Variants in PCSK6 observed in about 807,000 individuals in gnomAD.
PCSK6 encodes the protein paired basic amino acid cleaving enzyme 4.
A neutral mutation model predicts 123.3 loss-of-function variants in PCSK6; 85 were observed. The ratio of observed to expected loss-of-function variants is 0.69; its 90% CI spans 0.58 to 0.83. PCSK6 has a LOEUF of 0.83. PCSK6 is among the 40% of genes least tolerant of loss of function. The pLI is 0.00. For missense variants in PCSK6, 1,191 were observed against 1,282.3 expected (o/e 0.93, Z 1.09); for synonymous variants, 508 against 516.0 (o/e 0.98, Z 0.21).
rs1379608875 is a variant in PCSK6, at chr15:101,343,586, TTTTTC to T, written c.1859-11560_1859-11556del. Among the ~76,000 whole-genome samples the T allele has an allele frequency of 1.1e-4, 16 of 152,356 alleles. No homozygotes were observed. The South Asian group carries it at 3.3e-3, about 32-fold the overall frequency. ...AGTATTTTCTAATATAAATTATGTT[TTTTTC>T]TTTTAACACATAAATTATTTAGAAG... On this transcript the variant is annotated intron_variant, in intron 13 of 21. Coordinates refer to ENST00000611716, the MANE Select transcript of PCSK6 (RefSeq NM_002570.5).
intron 1 of PCSK6, among the ~76,000 whole-genome samples, chr15:101,485,433 T>C (rs1465568349): frequency 2.6e-5 from 4 of 152,254 alleles, no homozygotes; most frequent in Admixed American, 2.0e-4. Flanking sequence ...TTTATCTTAA[T>C]GTATCAGTCT....
chr15:101,326,582 G>A lies in PCSK6; in HGVS notation c.2078-103C>T. 3.4e-6 allele frequency: 4 copies of A among 1,172,244 alleles called. No homozygotes were observed. The South Asian group carries it at 5.8e-5, about 17-fold the overall frequency. 72.6% of individuals were successfully genotyped at this position (1,172,244 alleles called of 1,614,324 possible). ...GGATATCGCAGCTTGGCAGGGTTGG[G>A]AGACGCTCCCAGGCCCCGCTGGGGC... On this transcript the variant is annotated intron_variant, in intron 15 of 21. Transcript: ENST00000611716.
chr15:101,423,289 T>C (rs1244722093), intron 6 of PCSK6, among the ~76,000 whole-genome samples: 3 of 151,286 alleles, frequency 2.0e-5, no homozygotes. Context: ...AGATGGAGTC[T>C]TGCTCTGTCA....
At chr15:101,436,157 G>C (rs1235768825) in intron 2 of PCSK6, among the ~76,000 whole-genome samples, 3 of 152,232 alleles carry the variant, frequency 2.0e-5, no homozygotes, top group African/African-American at 7.2e-5. Context: ...CCTATTCAGA[G>C]GGGCCCTGCT....
chr15:101,440,012 G>A (rs114513519), intron 2 of PCSK6, among the ~76,000 whole-genome samples: 62 of 152,252 alleles, frequency 4.1e-4, no homozygotes, highest in African/African-American at 1.1e-3. Context: ...AGGCAGCAAC[G>A]ACTAACTATA....
Position 101,459,449 on chromosome 15 carries a change from CCTGCTG to C in PCSK6, c.298-15795_298-15790del, listed in dbSNP as rs1567236657. On this transcript the variant is annotated intron_variant, in intron 1 of 21. Coordinates refer to ENST00000611716, the MANE Select transcript of PCSK6 (RefSeq NM_002570.5). ...GTCTCCTCTCCCTAAGTCCACATCA[CCTGCTG>C]CCACCATTCCCGTCCCCCCACCCTA... Among the ~76,000 whole-genome samples, 482 of 129,810 alleles carry C rather than the reference CCTGCTG, an allele frequency of 3.7e-3. 19 individuals are homozygous for C. The highest frequency in any genetic ancestry group is 0.012 in the Middle Eastern group (3 of 252). The allele number at this position is 129,810 out of a possible 152,430, so 85.2% of individuals were successfully genotyped here.
At chr15:101,346,042 A>G (rs1051751084) in intron 13 of PCSK6, among the ~76,000 whole-genome samples, 1 of 152,254 alleles carries the variant, frequency 6.6e-6, no homozygotes, top group African/African-American at 2.4e-5. Context: ...AATGATCACA[A>G]TGTAAGTTAA....
rs2955963 is a variant in PCSK6 at position 101,370,653 on chromosome 15, G to A, written c.1533-130C>T. 12,327 of 772,780 alleles carry A rather than the reference G, an allele frequency of 0.016. 1,010 individuals carry two copies. The African/African-American group carries it at 0.19, about 12-fold the overall frequency. The allele number at this position is 772,780 out of a possible 1,614,324, so 47.9% of individuals were successfully genotyped here. A position where few individuals can be genotyped will look rare whatever the true frequency, so the allele number is the denominator to read the frequency against. On this transcript the variant is annotated intron_variant, in intron 11 of 21. Coordinates refer to ENST00000611716, the MANE Select transcript of PCSK6 (RefSeq NM_002570.5). ...AGGGCCCTGCGGGCCCCGGGGAGCC[G>A]CAGCAGCCTCTGACTGCCTCACGTG...
At chr15:101,424,949 G>C (rs932361408) in intron 6 of PCSK6, among the ~76,000 whole-genome samples, 2 of 152,196 alleles carry the variant, frequency 1.3e-5, no homozygotes, top group African/African-American at 4.8e-5. Flanking sequence ...GAGGGTCACA[G>C]TTCTGGGCCT....
At chr15:101,480,538 T>A (rs1567256405) in intron 1 of PCSK6, among the ~76,000 whole-genome samples, 1 of 152,268 alleles carries the variant, frequency 6.6e-6, no homozygotes, top group African/African-American at 2.4e-5. Flanking sequence ...TGATGGCTAT[T>A]CATCCCCCTT....
intron 4 of PCSK6, 97 bp from the exon 5 acceptor site, chr15:101,430,160 G>T: frequency 1.2e-6 from 1 of 862,802 alleles, no homozygotes; most frequent in Non-Finnish European, 1.9e-6. Flanking sequence ...GAAACCACAC[G>T]CGGGGCTCCT....
In PCSK6 at chr15:101,382,178, G is replaced by T; in HGVS notation, c.1446C>A (p.Asp482Glu). ...VSHFYGFGLV[D>E]AEALVVEAKK... ...TTGCCTCCACAACGAGAGCTTCTGC[G>T]TCCACCAAACCAAATCCATAGAAAT... The change falls in exon 11 of 22, where the codon GAC (aspartate) becomes GAA (glutamate). Residue 482 changes from aspartate (D) to glutamate (E), a missense_variant. Coordinates refer to ENST00000611716, the MANE Select transcript of PCSK6 (RefSeq NM_002570.5). 6.2e-7 allele frequency: 1 copy of T among 1,612,652 alleles called. No individual in the cohort carries two copies. The highest frequency in any genetic ancestry group is 8.5e-7 in the Non-Finnish European group (1 of 1,179,454).
At chr15:101,372,916 T>C (rs1252484154) in intron 11 of PCSK6, among the ~76,000 whole-genome samples, 1 of 152,080 alleles carries the variant, frequency 6.6e-6, no homozygotes, top group Non-Finnish European at 1.5e-5. Flanking sequence ...AAGTGATCAA[T>C]CTGCTCTAGA....
chr15:101,363,989 C>T (rs775345897), intron 13 of PCSK6, among the ~76,000 whole-genome samples: 2 of 152,176 alleles, frequency 1.3e-5, no homozygotes, highest in African/African-American at 2.4e-5. Flanking sequence ...AAGAATACAA[C>T]TGGGGGAGGT....
intron 13 of PCSK6, among the ~76,000 whole-genome samples, chr15:101,343,394 TG>T (rs2040663356): frequency 6.6e-6 from 1 of 152,140 alleles, no homozygotes; most frequent in Non-Finnish European, 1.5e-5. Context: ...TCATTCTTTA[TG>T]TTGTTGGTTT....
intron 11 of PCSK6, among the ~76,000 whole-genome samples, chr15:101,371,424 C>T (rs1341551008): frequency 3.3e-5 from 5 of 152,090 alleles, no homozygotes; most frequent in Non-Finnish European, 7.4e-5. Context: ...TGTCCTTGGA[C>T]CCCCTAAATA....
chr15:101,478,072 C>A (rs1474115326), intron 1 of PCSK6, among the ~76,000 whole-genome samples: 1 of 152,120 alleles, frequency 6.6e-6, no homozygotes, highest in Non-Finnish European at 1.5e-5. Context: ...AGCTCCGTGG[C>A]GGCTCACATG....
intron 15 of PCSK6, among the ~76,000 whole-genome samples, chr15:101,327,176 C>T (rs543601774): frequency 1.5e-3 from 233 of 152,294 alleles, no homozygotes; most frequent in African/African-American, 4.0e-3. Flanking sequence ...CTTGGTGGGA[C>T]GGCAGCTGTG....
At chr15:101,331,548 G>C in intron 15 of PCSK6, 103 bp downstream of exon 15, 1 of 1,052,248 alleles carries the variant, frequency 9.5e-7, no homozygotes, top group Non-Finnish European at 1.5e-6. Context: ...CCTAGAAGTG[G>C]CTAACTTACC....
Sources: allele counts gnomAD v4.1 joint callset (sites outside exome capture counted in the v4.1 genomes callset), GRCh38; gene constraint gnomAD v4.1.1; transcripts MANE v1.5; gene names NCBI Gene and HGNC (gene_info 2026-07-23, HGNC 2026-07-21).